Variants in GALNT13 observed in about 807,000 individuals in gnomAD.
GALNT13 encodes UDP-GalNAc:polypeptide N-acetylgalactosaminyltransferase 13.
Under a neutral mutation model 64.2 loss-of-function variants are expected in GALNT13, and 28 were observed. The ratio of observed to expected loss-of-function variants is 0.44; its 90% CI spans 0.32 to 0.60. The LOEUF (loss-of-function observed/expected upper bound fraction) is 0.60, where lower values mean the gene tolerates loss of function less well. Among genes scored for constraint, GALNT13 ranks in the 20% least tolerant of loss-of-function variants. The probability of loss-of-function intolerance (pLI) is 0.05; values close to 1 mark genes in which losing one functional copy is unlikely to be tolerated. For synonymous variants in GALNT13, 214 were observed against 224.6 expected (o/e 0.95, Z 0.42); for missense variants, 577 against 669.8 (o/e 0.86, Z 1.53).
At chr2:154,133,996 G>A (rs894389654) in intron 3 of GALNT13, among the ~76,000 whole-genome samples, 2 of 151,970 alleles carry the variant, frequency 1.3e-5, no homozygotes, top group African/African-American at 4.8e-5. Flanking sequence ...TTCCACACAT[G>A]GCTTCCAAAG....
chr2:153,695,271 G>A, the GALNT13 span, among the ~76,000 whole-genome samples: 1 of 152,128 alleles, frequency 6.6e-6, no homozygotes, highest in Non-Finnish European at 1.5e-5. Flanking sequence ...AAACAACATT[G>A]TTTATACAAA....
Position 154,301,552 on chromosome 2 carries a change from G to A in GALNT13, c.1119G>A (p.Met373Ile). The A allele has an allele frequency of 6.2e-7, 1 of 1,612,424 alleles. No homozygotes were observed. Among genetic ancestry groups the A allele is most frequent in the Non-Finnish European group, 8.5e-7 (1 of 1,178,842 alleles). Reference protein sequence around the residue: ...KNNRRLAEVWMDEFKDFFYII... With the variant: ...KNNRRLAEVWIDEFKDFFYII... ...ACAGGAGACTGGCAGAAGTTTGGAT[G>A]GATGAATTTAAAGATTTCTTCTACA... The change falls in exon 9 of 13, where the codon ATG becomes ATA. Residue 373 changes from methionine (M) to isoleucine (I), a missense_variant. This residue lies in a region of GALNT13 where 232 missense variants were observed against 270.6 expected (regional missense o/e 0.86). Coordinates refer to ENST00000392825, the MANE Select transcript of GALNT13 (RefSeq NM_052917.4).
At chr2:153,438,290 G>C in the GALNT13 span, among the ~76,000 whole-genome samples, 1 of 152,124 alleles carries the variant, frequency 6.6e-6, no homozygotes, top group Admixed American at 6.5e-5. Context: ...TGGTGAATCT[G>C]ATAATTATGT....
the GALNT13 span, among the ~76,000 whole-genome samples, chr2:153,731,880 G>T: frequency 6.6e-6 from 1 of 151,862 alleles, no homozygotes; most frequent in Non-Finnish European, 1.5e-5. Flanking sequence ...AGTGTTTTGT[G>T]TTGTTTTGTT....
chr2:153,281,522 T>C, the GALNT13 span, among the ~76,000 whole-genome samples: 1 of 152,296 alleles, frequency 6.6e-6, no homozygotes, highest in African/African-American at 2.4e-5. Flanking sequence ...TAGGTATTGT[T>C]CTTTCATTTT....
chr2:154,437,704 C>T (rs1396271551), intron 11 of GALNT13: 4 of 438,282 alleles, frequency 9.1e-6, no homozygotes, highest in African/African-American at 4.1e-5. Context: ...AAATACAAAA[C>T]ATTAGGCCGG....
chr2:153,332,534 G>GTTTTTT, the GALNT13 span, among the ~76,000 whole-genome samples: 204 of 135,664 alleles, frequency 1.5e-3, 1 homozygote, highest in Non-Finnish European at 2.0e-3. Context: ...TGAGAGTATT[G>GTTTTTT]TTTTTTTTTT....
At chr2:153,946,969 T>G (rs1691799059) in intron 3 of GALNT13, among the ~76,000 whole-genome samples, 1 of 150,700 alleles carries the variant, frequency 6.6e-6, no homozygotes, top group Non-Finnish European at 1.5e-5. Context: ...ACTGAAATTT[T>G]CACATTTTAG....
chr2:154,455,841 A>G (rs1478144397), downstream of GALNT13, among the ~76,000 whole-genome samples: 4 of 152,200 alleles, frequency 2.6e-5, no homozygotes, highest in East Asian at 7.7e-4. Flanking sequence ...CTCTTTTCTT[A>G]AGGATCCTTT....
intron 3 of GALNT13, among the ~76,000 whole-genome samples, chr2:153,984,904 T>C (rs1213110774): frequency 6.6e-6 from 1 of 151,948 alleles, no homozygotes; most frequent in Non-Finnish European, 1.5e-5. Flanking sequence ...TTACTTCTAT[T>C]GTATTTTTCA....
intron 3 of GALNT13, among the ~76,000 whole-genome samples, chr2:153,974,241 A>G (rs10931862): frequency 0.094 from 14,262 of 152,058 alleles, 1,720 homozygotes; most frequent in East Asian, 0.63. Context: ...GAAACTGTCT[A>G]TGGTCTGGCT....
At chr2:154,330,693 C>G (rs1039411518) in intron 9 of GALNT13, among the ~76,000 whole-genome samples, 1 of 152,066 alleles carries the variant, frequency 6.6e-6, no homozygotes, top group African/African-American at 2.4e-5. Flanking sequence ...TAACATTTCA[C>G]TCAGACCACG....
the GALNT13 span, among the ~76,000 whole-genome samples, chr2:153,568,270 T>A: frequency 6.6e-6 from 1 of 152,134 alleles, no homozygotes; most frequent in African/African-American, 2.4e-5. Context: ...CAGGCTGGAG[T>A]ACAGTGGGTC....
the GALNT13 span, among the ~76,000 whole-genome samples, chr2:153,082,498 G>T: frequency 6.8e-6 from 1 of 146,942 alleles, no homozygotes; most frequent in African/African-American, 2.5e-5. Flanking sequence ...CTTTTTGTGG[G>T]TGAGTAGTAT....
chr2:153,309,694 C>T, the GALNT13 span, among the ~76,000 whole-genome samples: 1 of 152,020 alleles, frequency 6.6e-6, no homozygotes, highest in South Asian at 2.1e-4. Flanking sequence ...CCTAGGTAAA[C>T]TTATCCACTC....
the GALNT13 span, among the ~76,000 whole-genome samples, chr2:153,788,402 ATT>A: frequency 1.3e-5 from 2 of 148,562 alleles, no homozygotes; most frequent in African/African-American, 2.5e-5. Context: ...TGCTGAGGGA[ATT>A]TTTTTTTTTT....
At chr2:153,506,317 T>C in the GALNT13 span, among the ~76,000 whole-genome samples, 1 of 152,202 alleles carries the variant, frequency 6.6e-6, no homozygotes, top group African/African-American at 2.4e-5. Context: ...ATCTTTTAAG[T>C]GGAGCACTTA....
chr2:153,164,954 A>G, the GALNT13 span, among the ~76,000 whole-genome samples: 3 of 152,210 alleles, frequency 2.0e-5, no homozygotes, highest in Non-Finnish European at 4.4e-5. Flanking sequence ...CCAATACAGT[A>G]CTTTCAAAAC....
chr2:153,523,817 A>G, the GALNT13 span, among the ~76,000 whole-genome samples: 2 of 152,028 alleles, frequency 1.3e-5, no homozygotes, highest in Admixed American at 1.3e-4. Context: ...CTCTTATTGC[A>G]TTAGCTAGGA....
Sources: gnomAD v4.1 joint callset for allele counts (sites outside exome capture counted in the v4.1 genomes callset) on GRCh38, gnomAD v4.1.1 for gene constraint, gnomAD v4.1.1 regional missense constraint, MANE v1.5 for transcripts, NCBI Gene and HGNC (gene_info 2026-07-23, HGNC 2026-07-21) for gene names.